Variants in ARHGAP32 observed in about 807,000 individuals in gnomAD.
ARHGAP32 encodes rho GTPase-activating protein 32.
In ARHGAP32, 51 loss-of-function variants were observed where a neutral mutation model predicts 186.5. The observed-to-expected ratio is 0.27, with a 90% CI of 0.22 to 0.35. The LOEUF (loss-of-function observed/expected upper bound fraction) is 0.35. Ranked by LOEUF, ARHGAP32 falls within the 10% of genes least tolerant of loss-of-function variation. The pLI is 1.00. For synonymous variants in ARHGAP32, 950 were observed against 964.3 expected (o/e 0.99, Z 0.27); for missense variants, 2,186 against 2,623.5 (o/e 0.83, Z 3.64).
upstream of ARHGAP32, among the ~76,000 whole-genome samples, chr11:129,195,571 G>A: frequency 6.6e-6 from 1 of 151,996 alleles, no homozygotes; most frequent in East Asian, 1.9e-4. Flanking sequence ...TTTATTTTTA[G>A]TAGAGAAGAG....
chr11:128,976,426 CTAAA>C (rs1206247810), intron 20 of ARHGAP32, 133 bp downstream of exon 20: 8 of 674,820 alleles, frequency 1.2e-5, no homozygotes, highest in East Asian at 8.1e-5. Flanking sequence ...CTGAATAATA[CTAAA>C]TAGACACTAG....
At position 129,230,610 on chromosome 11, in the gene ARHGAP32, T is replaced by C. The variant is rs551092505; in HGVS notation, c.-5+48536A>G. On this transcript the variant is annotated intron_variant, in intron 1 of 6. Coordinates refer to the ARHGAP32 transcript ENST00000525234. Reference sequence around the variant, plus strand: ...GCATTGTGTCTTCTCCAAGCTATATTAGTGACATCAAATTAAACTAGAATA... The same window carrying C: ...GCATTGTGTCTTCTCCAAGCTATATCAGTGACATCAAATTAAACTAGAATA... Among the ~76,000 whole-genome samples the C allele has an allele frequency of 1.2e-3, 189 of 152,308 alleles. 3 individuals carry two copies. Among genetic ancestry groups the C allele is most frequent in the African/African-American group, 4.3e-3 (177 of 41,574 alleles).
intron 1 of ARHGAP32, among the ~76,000 whole-genome samples, chr11:129,215,509 AAGGTTTCAGC>A (rs1282495711): frequency 6.6e-6 from 1 of 152,194 alleles, no homozygotes; most frequent in African/African-American, 2.4e-5. Context: ...GGCTAACATC[AAGGTTTCAGC>A]AGGGCTGGTT....
intron 2 of ARHGAP32, among the ~76,000 whole-genome samples, chr11:129,140,379 CAT>C (rs1943026118): frequency 6.6e-6 from 1 of 152,212 alleles, no homozygotes. Context: ...AGACTTCTAA[CAT>C]GCAGAACTGT....
At chr11:129,176,724 T>C (rs1943924039) in intron 1 of ARHGAP32, among the ~76,000 whole-genome samples, 1 of 149,576 alleles carries the variant, frequency 6.7e-6, no homozygotes, top group African/African-American at 2.5e-5. Flanking sequence ...AATAAAGATG[T>C]TCTTTGAAAC....
intron 11 of ARHGAP32, among the ~76,000 whole-genome samples, chr11:129,000,768 C>A (rs1946338126): frequency 6.6e-6 from 1 of 152,086 alleles, no homozygotes; most frequent in African/African-American, 2.4e-5. Flanking sequence ...CACCCCCCCA[C>A]CATTGGCTTA....
At chr11:129,199,872 A>T (rs1206891602) in intron 1 of ARHGAP32, among the ~76,000 whole-genome samples, 2 of 152,226 alleles carry the variant, frequency 1.3e-5, no homozygotes, top group Admixed American at 1.3e-4. Context: ...GAAAGCAGCC[A>T]GGAGGGAGGT....
At chr11:129,249,390 C>T (rs12278899) in intron 1 of ARHGAP32, among the ~76,000 whole-genome samples, 3,008 of 152,084 alleles carry the variant, frequency 0.02, 50 homozygotes, top group African/African-American at 0.042. Context: ...AGTATCAATT[C>T]GAAAGGATTT....
intron 11 of ARHGAP32, among the ~76,000 whole-genome samples, chr11:129,020,618 T>C (rs1938551552): frequency 6.6e-6 from 1 of 152,064 alleles, no homozygotes; most frequent in Non-Finnish European, 1.5e-5. Flanking sequence ...ATAAGGTAAA[T>C]ATCATCTGTA....
At chr11:129,058,840 T>A (rs944395374) in intron 10 of ARHGAP32, among the ~76,000 whole-genome samples, 3 of 152,254 alleles carry the variant, frequency 2.0e-5, no homozygotes, top group Non-Finnish European at 4.4e-5. Context: ...TTACCATGAT[T>A]GTCTTCCTCT....
chr11:129,195,803 C>A (rs765412668), upstream of ARHGAP32, among the ~76,000 whole-genome samples: 2 of 152,188 alleles, frequency 1.3e-5, no homozygotes, highest in Non-Finnish European at 2.9e-5. Flanking sequence ...GAAAATCCAG[C>A]GGAATCAACA....
chr11:129,193,657 CAA>C (rs1262945225), upstream of ARHGAP32, among the ~76,000 whole-genome samples: 13 of 43,456 alleles, frequency 3.0e-4, no homozygotes, highest in East Asian at 5.4e-4. Flanking sequence ...AATACATATA[CAA>C]TATATATTAT....
At chr11:129,272,324 T>C (rs1274488226) in intron 1 of ARHGAP32, among the ~76,000 whole-genome samples, 3 of 152,190 alleles carry the variant, frequency 2.0e-5, no homozygotes, top group Non-Finnish European at 4.4e-5. Context: ...ATCCATCTTA[T>C]TCATCCATCC....
At chr11:129,185,826 A>G (rs1386594499) in intron 1 of ARHGAP32, among the ~76,000 whole-genome samples, 4 of 152,044 alleles carry the variant, frequency 2.6e-5, no homozygotes, top group Non-Finnish European at 5.9e-5. Context: ...CATACACAGA[A>G]AGAGAGAGAG....
upstream of ARHGAP32, among the ~76,000 whole-genome samples, chr11:129,195,395 G>A (rs918289943): frequency 1.3e-5 from 2 of 152,146 alleles, no homozygotes; most frequent in Admixed American, 6.5e-5. Flanking sequence ...CGTGAACTGT[G>A]AGTGGTATTT....
intron 2 of ARHGAP32, among the ~76,000 whole-genome samples, chr11:129,148,454 C>G (rs993232258): frequency 6.6e-6 from 1 of 152,160 alleles, no homozygotes; most frequent in South Asian, 2.1e-4. Context: ...AAGTGACTTG[C>G]ATGTACTCCC....
rs1945428052 is a variant in ARHGAP32, at chr11:128,972,874, A to G, written c.3632T>C (p.Phe1211Ser). 1.9e-6 allele frequency: 3 copies of G among 1,613,732 alleles called. No individual in the cohort carries two copies. Among genetic ancestry groups the G allele is most frequent in the Non-Finnish European group, 1.7e-6 (2 of 1,180,014 alleles). Residue 1211 changes from phenylalanine to serine, a missense_variant, in exon 22 of 23, where the codon TTC becomes TCC. Physicochemically the swap from Phe to Ser is radical, Grantham distance 155. Around this residue, in one of 5 missense-constraint regions of ARHGAP32, gnomAD observed 1,502 missense variants for 1,570.0 expected, o/e 0.96. Coordinates refer to ENST00000682385, the MANE Select transcript of ARHGAP32 (RefSeq NM_001378024.1). ...SGKNSMPTVS[F>S]LDQDQSPPRF... ...GGGTGGAGACTGGTCCTGATCCAAG[A>G]AGGAGACAGTTGGCATACTGTTCTT...
rs1302427916 is a variant in ARHGAP32 at position 129,066,838 on chromosome 11, C to T, written c.562G>A (p.Glu188Lys). 1 of 1,609,800 alleles carries T rather than the reference C, an allele frequency of 6.2e-7. No homozygotes were observed. The highest frequency in any genetic ancestry group is 1.7e-5 in the Admixed American group (1 of 59,496). The change falls in exon 7 of 23, where the codon GAA becomes AAA. Residue 188 changes from glutamate (E) to lysine (K), a missense_variant. Transcript: ENST00000682385. ...GKSWIVKRSY[E>K]DFRVLDKHLH... ...TGTTTATCAAGTACCCGAAAATCTT[C>T]ATAACTTCTTTTAACAATCCAACTT... is the stretch of plus-strand genomic sequence containing the variant.
chr11:128,980,838 C>T (rs1945688488), intron 17 of ARHGAP32, 90 bp from the exon 18 acceptor site: 1 of 1,016,408 alleles, frequency 9.8e-7, no homozygotes, highest in Non-Finnish European at 1.4e-6. Flanking sequence ...ATCTACCTAT[C>T]TGTTGTTTCA....
Sources: gnomAD v4.1 joint callset for allele counts (sites outside exome capture counted in the v4.1 genomes callset) on GRCh38, gnomAD v4.1.1 for gene constraint, gnomAD v4.1.1 regional missense constraint, MANE v1.5 for transcripts, NCBI Gene and HGNC (gene_info 2026-07-23, HGNC 2026-07-21) for gene names.